The following TEF variants were observed in gnomAD, a reference collection of about 807,000 sequenced individuals.
TEF encodes the protein TEF transcription factor, PAR bZIP family member, also known as thyrotroph embryonic factor.
TEF carries 3 observed loss-of-function variants against 20.8 expected under a neutral mutation model. The ratio of observed to expected loss-of-function variants is 0.14; its 90% CI spans 0.07 to 0.37. The LOEUF (loss-of-function observed/expected upper bound fraction) is 0.37. Among genes scored for constraint, TEF ranks in the 10% least tolerant of loss-of-function variants. TEF has a pLI of 1.00. For missense variants in TEF, 296 were observed against 397.9 expected, an observed-to-expected ratio of 0.74 and a Z score of 2.18; for synonymous variants, 180 against 171.1, an observed-to-expected ratio of 1.05 and a Z score of -0.41.
intron 2 of TEF, 138 bp downstream of exon 2, chr22:41,387,806 C>A: frequency 1.2e-6 from 1 of 848,426 alleles, no homozygotes; most frequent in Non-Finnish European, 1.8e-6. Context: ...TGTGGAGAAA[C>A]TCTTCACTCC....
Position 41,387,398 on chromosome 22 carries a change from G to A in TEF, c.205G>A (p.Ala69Thr), listed in dbSNP as rs201653813. 23 of 1,614,226 alleles carry A rather than the reference G, an allele frequency of 1.4e-5. 1 individual carries two copies. In the South Asian group the frequency reaches 2.0e-4, roughly 14 times the overall value. The change falls in exon 2 of 4, where the codon GCC becomes ACC. Residue 69 changes from alanine to threonine, a missense_variant. By Grantham distance (58) the Ala-to-Thr change is moderately conservative (BLOSUM62 0). Coordinates refer to ENST00000266304, the MANE Select transcript of TEF (RefSeq NM_003216.4). ...GCTGGAGGAGGACGAGGCCGCAGCC[G>A]CCAGCACCATGGCTGTCTCAGCCTC... Reference protein sequence around the residue: ...EKLEEDEAAAASTMAVSASLM... With the variant: ...EKLEEDEAAATSTMAVSASLM...
upstream of TEF, among the ~76,000 whole-genome samples, chr22:41,377,534 A>G (rs2145969235): frequency 6.6e-6 from 1 of 152,340 alleles, no homozygotes; most frequent in South Asian, 2.1e-4. Flanking sequence ...CTCCACTAAG[A>G]CGGGGCAAGG....
Position 41,382,011 on chromosome 22 carries a change from G to A in TEF, c.-34G>A, listed in dbSNP as rs1042895750. On this transcript the variant is annotated 5_prime_UTR_variant, in exon 1 of 4. Coordinates refer to ENST00000266304, the MANE Select transcript of TEF (RefSeq NM_003216.4). ...CGGCCCATCTCGGGGGGCGGGCGGG[G>A]GAGGCGAGGTGCGCGAGCCGAGTCC... 46 of 1,229,968 alleles carry A rather than the reference G, an allele frequency of 3.7e-5. No homozygotes were observed. The highest frequency in any genetic ancestry group is 4.0e-5 in the Non-Finnish European group (39 of 986,870). The allele number at this position is 1,229,968 out of a possible 1,614,324, so 76.2% of individuals were successfully genotyped here.
At chr22:41,392,461 G>A (rs2037178334) in intron 2 of TEF, among the ~76,000 whole-genome samples, 1 of 147,244 alleles carries the variant, frequency 6.8e-6, no homozygotes, top group Non-Finnish European at 1.5e-5. Context: ...GGATCACCAA[G>A]TCAGGAGATT....
chr22:41,378,046 G>A (rs1435894648), upstream of TEF, among the ~76,000 whole-genome samples: 1 of 152,104 alleles, frequency 6.6e-6, no homozygotes, highest in Non-Finnish European at 1.5e-5. Context: ...CTTTGAGAAT[G>A]GGTTTTTCTT....
intron 2 of TEF, among the ~76,000 whole-genome samples, chr22:41,389,618 A>T (rs1040810078): frequency 1.3e-5 from 2 of 152,040 alleles, no homozygotes; most frequent in African/African-American, 4.8e-5. Flanking sequence ...ACTCCATCTC[A>T]AAATAAATAA....
At chr22:41,367,650 G>A (rs909425398) in intron 1 of TEF, 2 of 1,533,774 alleles carry the variant, frequency 1.3e-6, no homozygotes, top group Non-Finnish European at 1.8e-6. Flanking sequence ...ACTCGAGGGG[G>A]CGAGGGGGCA....
At chr22:41,369,269 T>C (rs752740137) in intron 1 of TEF, 7 of 985,078 alleles carry the variant, frequency 7.1e-6, no homozygotes, top group Non-Finnish European at 8.4e-6. Flanking sequence ...CCTCCCTCAC[T>C]GTGGATGAGC....
intron 1 of TEF, among the ~76,000 whole-genome samples, chr22:41,386,445 A>G (rs1037397304): frequency 2.0e-5 from 3 of 150,636 alleles, no homozygotes; most frequent in African/African-American, 7.4e-5. Flanking sequence ...CATCTCAAAA[A>G]AAAAAATAAA....
At chr22:41,379,078 C>T (rs2145971627), upstream of TEF, among the ~76,000 whole-genome samples, 1 of 152,304 alleles carries the variant, frequency 6.6e-6, no homozygotes, top group East Asian at 1.9e-4. Context: ...CGGTGGCTCA[C>T]GCCTGTAATC....
In TEF at chr22:41,395,968, C is replaced by A. The variant is rs202206583; in HGVS notation, c.*8C>A. Reference sequence around the variant, plus strand: ...AAATACGGGCCCTTGTAACCCGTGCCCCCCGCCCGGGCGGGGTACTGCCTG... The same window carrying A: ...AAATACGGGCCCTTGTAACCCGTGCACCCCGCCCGGGCGGGGTACTGCCTG... On this transcript the variant is annotated 3_prime_UTR_variant, in exon 4 of 4. Transcript: ENST00000266304. 6.2e-7 allele frequency: 1 copy of A among 1,605,756 alleles called. No individual in the cohort carries two copies. Among genetic ancestry groups the A allele is most frequent in the South Asian group, 1.1e-5 (1 of 90,892 alleles).
At chr22:41,381,273 C>T (rs1272062218), upstream of TEF, among the ~76,000 whole-genome samples, 2 of 152,198 alleles carry the variant, frequency 1.3e-5, no homozygotes, top group Non-Finnish European at 2.9e-5. Context: ...TGGGCAGAGT[C>T]CCCAGAACAA....
At chr22:41,378,509 C>G (rs561631952), upstream of TEF, among the ~76,000 whole-genome samples, 143 of 152,236 alleles carry the variant, frequency 9.4e-4, no homozygotes, top group African/African-American at 3.4e-3. Context: ...CCACACCCAG[C>G]TAATTTTTTG....
intron 1 of TEF, among the ~76,000 whole-genome samples, chr22:41,367,752 G>C (rs564195720): frequency 6.6e-5 from 10 of 152,288 alleles, no homozygotes; most frequent in Admixed American, 3.9e-4. Context: ...AGTGCGGAGA[G>C]GGGTTCGAGG....
chr22:41,370,676 T>G (rs559647201), intron 1 of TEF, among the ~76,000 whole-genome samples: 1 of 152,204 alleles, frequency 6.6e-6, no homozygotes, highest in Non-Finnish European at 1.5e-5. Context: ...CCTCCCAAAG[T>G]GCTGGGATTA....
intron 1 of TEF, chr22:41,367,608 ACAGGTGACCTGCATTGATTGGCTGCC>A (rs1212008712): frequency 8.4e-6 from 13 of 1,551,062 alleles, no homozygotes; most frequent in Admixed American, 5.9e-5. Flanking sequence ...AGGTAGGAGC[ACAGGTGACCTGCATTGATTGGCTGCC>A]CAGGTACTCG....
intron 2 of TEF, among the ~76,000 whole-genome samples, chr22:41,393,773 C>CAAAA (rs879096914): frequency 1.7e-5 from 1 of 60,312 alleles, no homozygotes; most frequent in East Asian, 5.3e-4. Context: ...ACTCCCATCT[C>CAAAA]AAAAAAAAAA....
At chr22:41,371,667 C>T (rs1022762826) in intron 1 of TEF, among the ~76,000 whole-genome samples, 5 of 152,224 alleles carry the variant, frequency 3.3e-5, no homozygotes, top group Non-Finnish European at 7.3e-5. Context: ...CGTGCGTCTT[C>T]CACCTACATC....
chr22:41,370,830 T>G (rs1226027932), intron 1 of TEF, among the ~76,000 whole-genome samples: 1 of 152,200 alleles, frequency 6.6e-6, no homozygotes, highest in Admixed American at 6.5e-5. Flanking sequence ...TTCCTGTCCC[T>G]GGATAAACAG....
Sources: gnomAD v4.1 joint callset for allele counts (sites outside exome capture counted in the v4.1 genomes callset) on GRCh38, gnomAD v4.1.1 for gene constraint, MANE v1.5 for transcripts, NCBI Gene and HGNC (gene_info 2026-07-23, HGNC 2026-07-21) for gene names.